Variants in ITGAM observed in about 807,000 individuals in gnomAD.
ITGAM encodes the protein integrin alpha-M.
A neutral mutation model predicts 137.5 loss-of-function variants in ITGAM; 79 were observed. The observed-to-expected ratio is 0.57, with a 90% confidence interval of 0.48 to 0.69. The LOEUF (loss-of-function observed/expected upper bound fraction) is 0.69. Among genes scored for constraint, ITGAM ranks in the 30% least tolerant of loss-of-function variants. The probability of loss-of-function intolerance (pLI) is 0.00; values close to 1 mark genes in which losing one functional copy is unlikely to be tolerated. For synonymous variants in ITGAM, 583 were observed against 592.3 expected, an observed-to-expected ratio of 0.98 and a Z score of 0.23; for missense variants, 1,343 against 1,483.5, an observed-to-expected ratio of 0.91 and a Z score of 1.56.
At chr16:31,262,561 C>T (rs1484005668) in intron 2 of ITGAM, among the ~76,000 whole-genome samples, 1 of 143,636 alleles carries the variant, frequency 7.0e-6, no homozygotes, top group Non-Finnish European at 1.6e-5. Context: ...TGCCACCACA[C>T]CTGGCTAATT....
chr16:31,265,183 T>C (rs562762479), intron 2 of ITGAM, among the ~76,000 whole-genome samples: 19 of 152,292 alleles, frequency 1.2e-4, no homozygotes, highest in Non-Finnish European at 2.1e-4. Flanking sequence ...TTTAAATGAC[T>C]TCTGGTTTTT....
At chr16:31,260,126 G>T (rs748004190) in intron 1 of ITGAM, 34 bp downstream of exon 1, 1 of 1,410,966 alleles carries the variant, frequency 7.1e-7, no homozygotes, top group Non-Finnish European at 9.8e-7. Context: ...CTCTGGGTGG[G>T]GAGGAGGGTA....
intron 12 of ITGAM, among the ~76,000 whole-genome samples, chr16:31,289,897 C>T (rs1403695462): frequency 1.3e-5 from 2 of 151,904 alleles, no homozygotes; most frequent in Non-Finnish European, 2.9e-5. Context: ...GCCTGACCAA[C>T]ATGGAGAAAC....
At chr16:31,312,569 G>A (rs2080345804) in intron 14 of ITGAM, among the ~76,000 whole-genome samples, 1 of 152,088 alleles carries the variant, frequency 6.6e-6, no homozygotes, top group Non-Finnish European at 1.5e-5. Flanking sequence ...TTTGACTGCA[G>A]GTGTATGCCA....
chr16:31,325,233 A>C, intron 19 of ITGAM, 30 bp from the exon 20 acceptor site: 1 of 1,592,564 alleles, frequency 6.3e-7, no homozygotes, highest in Non-Finnish European at 8.5e-7. Context: ...CCAGCGCCCC[A>C]TCCCCCGGCC....
At chr16:31,264,750 G>A (rs115306979) in intron 2 of ITGAM, among the ~76,000 whole-genome samples, 8,372 of 152,216 alleles carry the variant, frequency 0.055, 792 homozygotes, top group African/African-American at 0.19. Flanking sequence ...TATGTTACCC[G>A]GGCTAGTTTC....
At chr16:31,308,829 C>T (rs1226857533) in intron 14 of ITGAM, among the ~76,000 whole-genome samples, 5 of 151,414 alleles carry the variant, frequency 3.3e-5, no homozygotes, top group African/African-American at 1.2e-4. Flanking sequence ...TTGAATGTGT[C>T]CCAGAGATTT....
chr16:31,285,934 A>G (rs1369824240), intron 12 of ITGAM, among the ~76,000 whole-genome samples: 1 of 151,920 alleles, frequency 6.6e-6, no homozygotes, highest in Middle Eastern at 3.4e-3. Flanking sequence ...GGCCTCCCAA[A>G]ATGCTGAGAT....
intron 23 of ITGAM, 156 bp from the exon 24 acceptor site, chr16:31,329,072 T>TTCC: frequency 2.1e-6 from 1 of 474,538 alleles, no homozygotes; most frequent in Non-Finnish European, 4.0e-6. Flanking sequence ...CACACATTGG[T>TTCC]TCCCCCATCC....
chr16:31,307,621 T>C (rs906893553), intron 14 of ITGAM, among the ~76,000 whole-genome samples: 6 of 152,192 alleles, frequency 3.9e-5, no homozygotes, highest in African/African-American at 1.2e-4. Context: ...CCTCTTTTCC[T>C]AATCGAATGC....
chr16:31,298,027 C>T, intron 14 of ITGAM, 73 bp downstream of exon 14: 2 of 1,238,756 alleles, frequency 1.6e-6, no homozygotes, highest in South Asian at 1.2e-5. Flanking sequence ...AGTGTGCCCA[C>T]AGCTGCCAGA....
chr16:31,323,319 A>G (rs1165721793), intron 16 of ITGAM, among the ~76,000 whole-genome samples: 1 of 151,900 alleles, frequency 6.6e-6, no homozygotes, highest in African/African-American at 2.4e-5. Flanking sequence ...AATCCCAGCT[A>G]CTCAGGAGGC....
chr16:31,319,122 A>T (rs1047031560), intron 14 of ITGAM, among the ~76,000 whole-genome samples: 1 of 152,096 alleles, frequency 6.6e-6, no homozygotes, highest in Admixed American at 6.5e-5. Context: ...GTGACCTAAC[A>T]TGTGGTCTGT....
chr16:31,328,669 ATT>A (rs760422183), intron 23 of ITGAM, among the ~76,000 whole-genome samples: 12 of 130,834 alleles, frequency 9.2e-5, no homozygotes, highest in Non-Finnish European at 1.4e-4. Flanking sequence ...ATATATGTGC[ATT>A]GTGTGCATGG....
intron 26 of ITGAM, 57 bp downstream of exon 26, chr16:31,330,221 G>A: frequency 6.3e-7 from 1 of 1,594,524 alleles, no homozygotes; most frequent in Non-Finnish European, 8.6e-7. Flanking sequence ...TTCCCTGCTG[G>A]AACCTGTATG....
chr16:31,309,974 A>T (rs2080307578), intron 14 of ITGAM, among the ~76,000 whole-genome samples: 1 of 151,862 alleles, frequency 6.6e-6, no homozygotes. Context: ...AATGTTGAAT[A>T]TTGGCCCCCA....
intron 29 of ITGAM, 164 bp downstream of exon 29, chr16:31,331,439 CG>C: frequency 3.0e-6 from 2 of 671,746 alleles, no homozygotes; most frequent in Non-Finnish European, 5.2e-6. Flanking sequence ...GGTTCATGCG[CG>C]GGGCGCGCTG....
rs1022826719 is a variant in ITGAM at position 31,275,704 on chromosome 16, G to C, written c.1009+5G>C. On this transcript the variant is annotated splice_donor_5th_base_variant and intron_variant, in intron 9 of 29. Transcript: ENST00000544665. ...AGAAGATCTTTGCGATCGAGGGTGA[G>C]TCAGGCATCTGTGTTCCCAGAGCAG... The C allele has an allele frequency of 1.2e-6, 2 of 1,613,636 alleles. No individual in the cohort carries two copies. The highest frequency in any genetic ancestry group is 1.3e-5 in the African/African-American group (1 of 74,998).
chr16:31,270,845 T>C, intron 5 of ITGAM, 109 bp from the exon 6 acceptor site: 1 of 474,192 alleles, frequency 2.1e-6, no homozygotes, highest in Non-Finnish European at 3.5e-6. Flanking sequence ...ATATTTTTTA[T>C]AGAGACGGGG....
Sources: gnomAD v4.1 joint callset for allele counts (sites outside exome capture counted in the v4.1 genomes callset) on GRCh38, gnomAD v4.1.1 for gene constraint, MANE v1.5 for transcripts, NCBI Gene and HGNC (gene_info 2026-07-23, HGNC 2026-07-21) for gene names.